DLG2: variants seen among roughly 807,000 people sequenced by gnomAD.
DLG2 encodes the protein discs large MAGUK scaffold protein 2.
A neutral mutation model predicts 132.5 loss-of-function variants in DLG2; 45 were observed. The observed-to-expected ratio is 0.34, with a 90% CI of 0.27 to 0.44. DLG2 has a LOEUF of 0.44. Ranked by LOEUF, DLG2 falls within the 20% of genes least tolerant of loss-of-function variation. The pLI is 1.00. For missense variants in DLG2, 1,045 were observed against 1,196.9 expected, an observed-to-expected ratio of 0.87 and a Z score of 1.87; for synonymous variants, 424 against 419.6, an observed-to-expected ratio of 1.01 and a Z score of -0.13.
intron 3 of DLG2, among the ~76,000 whole-genome samples, chr11:85,493,394 C>CT (rs2093605032): frequency 6.6e-6 from 1 of 152,136 alleles, no homozygotes. Context: ...TTCACTAAGT[C>CT]TCTGCTTAAA....
intron 21 of DLG2, among the ~76,000 whole-genome samples, chr11:83,508,055 G>T (rs971125279): frequency 1.3e-5 from 2 of 151,780 alleles, no homozygotes; most frequent in Non-Finnish European, 2.9e-5. Context: ...TACCCACCCA[G>T]ATTAAGGGTG....
At chr11:83,949,604 G>A (rs1010370199) in intron 14 of DLG2, among the ~76,000 whole-genome samples, 1 of 152,078 alleles carries the variant, frequency 6.6e-6, no homozygotes, top group African/African-American at 2.4e-5. Flanking sequence ...TAATGGCAGA[G>A]CCTTTAATTA....
intron 4 of DLG2, among the ~76,000 whole-genome samples, chr11:85,230,378 A>G (rs188245744): frequency 6.7e-6 from 1 of 150,288 alleles, no homozygotes; most frequent in African/African-American, 2.4e-5. Context: ...ACTTCCTTCA[A>G]CGTGTCTTAG....
chr11:83,928,568 G>C (rs1398762149), intron 15 of DLG2, among the ~76,000 whole-genome samples: 2 of 152,106 alleles, frequency 1.3e-5, no homozygotes, highest in Non-Finnish European at 2.9e-5. Context: ...GATAAAGATA[G>C]GGAAAGGATA....
intron 6 of DLG2, among the ~76,000 whole-genome samples, chr11:85,099,549 T>C (rs2070499718): frequency 6.6e-6 from 1 of 152,216 alleles, no homozygotes; most frequent in African/African-American, 2.4e-5. Flanking sequence ...CTCCTGTTCA[T>C]ATGTTGTATG....
At chr11:84,018,030 C>T (rs993418894) in intron 11 of DLG2, among the ~76,000 whole-genome samples, 1 of 151,746 alleles carries the variant, frequency 6.6e-6, no homozygotes, top group Non-Finnish European at 1.5e-5. Flanking sequence ...TAGTAGTTTG[C>T]TTTATTTGTT....
At chr11:85,178,808 A>G (rs1027665723) in intron 4 of DLG2, among the ~76,000 whole-genome samples, 1 of 152,008 alleles carries the variant, frequency 6.6e-6, no homozygotes, top group Non-Finnish European at 1.5e-5. Flanking sequence ...TCCCCTCAGA[A>G]CACAACACTA....
At chr11:84,370,702 G>A (rs1046200649) in intron 7 of DLG2, among the ~76,000 whole-genome samples, 1 of 152,126 alleles carries the variant, frequency 6.6e-6, no homozygotes, top group African/African-American at 2.4e-5. Flanking sequence ...TTTCTGGAAA[G>A]CAGTGTCTGA....
chr11:83,665,585 G>A (rs1362788892), intron 18 of DLG2, among the ~76,000 whole-genome samples: 1 of 152,196 alleles, frequency 6.6e-6, no homozygotes, highest in East Asian at 1.9e-4. Flanking sequence ...CTCAAAGGAA[G>A]AGAGATCGGA....
At chr11:84,302,334 G>A (rs952870192) in intron 7 of DLG2, among the ~76,000 whole-genome samples, 4 of 151,990 alleles carry the variant, frequency 2.6e-5, no homozygotes, top group Non-Finnish European at 4.4e-5. Context: ...TATCCCAGAA[G>A]TATAATTTTA....
At chr11:84,122,126 GCCT>G (rs2093952848) in intron 9 of DLG2, among the ~76,000 whole-genome samples, 1 of 151,718 alleles carries the variant, frequency 6.6e-6, no homozygotes, top group South Asian at 2.1e-4. Context: ...TTTGAGACCA[GCCT>G]GGCCAACATA....
chr11:83,467,800 TATATA>T (rs1308301662), intron 25 of DLG2, among the ~76,000 whole-genome samples: 1 of 105,340 alleles, frequency 9.5e-6, no homozygotes, highest in African/African-American at 4.1e-5. Context: ...TATATATATA[TATATA>T]TATATACACA....
At chr11:85,054,700 A>G (rs2063272151) in intron 6 of DLG2, among the ~76,000 whole-genome samples, 1 of 152,184 alleles carries the variant, frequency 6.6e-6, no homozygotes, top group Admixed American at 6.5e-5. Flanking sequence ...AAACAAAATC[A>G]TGTCCTTTGC....
intron 6 of DLG2, among the ~76,000 whole-genome samples, chr11:84,776,440 G>A (rs1209488692): frequency 6.6e-6 from 1 of 152,074 alleles, no homozygotes; most frequent in Admixed American, 6.6e-5. Context: ...ACAGGCATAA[G>A]CCACTTTGCC....
chr11:84,223,343 T>C (rs1276686864), intron 8 of DLG2, among the ~76,000 whole-genome samples: 3 of 152,150 alleles, frequency 2.0e-5, no homozygotes, highest in Non-Finnish European at 4.4e-5. Flanking sequence ...TTCTAAACAA[T>C]ATATTTTCTA....
intron 6 of DLG2, among the ~76,000 whole-genome samples, chr11:84,968,175 C>A (rs1164869896): frequency 1.3e-5 from 2 of 152,090 alleles, no homozygotes; most frequent in African/African-American, 4.8e-5. Context: ...AAATACAAAG[C>A]AGTCATTAAA....
At chr11:83,998,220 A>G (rs2154188431) in intron 11 of DLG2, among the ~76,000 whole-genome samples, 1 of 152,358 alleles carries the variant, frequency 6.6e-6, no homozygotes, top group East Asian at 1.9e-4. Flanking sequence ...TTGAGAATTT[A>G]GAAGTGTCAT....
chr11:85,501,969 G>A (rs778556989), intron 3 of DLG2, among the ~76,000 whole-genome samples: 8 of 152,048 alleles, frequency 5.3e-5, no homozygotes, highest in Admixed American at 2.0e-4. Flanking sequence ...ACATGTACAC[G>A]TATGTTTATT....
chr11:84,508,878 G>C (rs1014862481), intron 7 of DLG2, among the ~76,000 whole-genome samples: 5 of 152,148 alleles, frequency 3.3e-5, no homozygotes, highest in African/African-American at 1.2e-4. Flanking sequence ...TGAAGTAGAT[G>C]CTCAGTAAAT....
Sources: gnomAD v4.1 joint callset for allele counts (sites outside exome capture counted in the v4.1 genomes callset) on GRCh38, gnomAD v4.1.1 for gene constraint, MANE v1.5 for transcripts, NCBI Gene and HGNC (gene_info 2026-07-23, HGNC 2026-07-21) for gene names.